SRGAP1: variants seen among roughly 807,000 people sequenced by gnomAD.
The protein encoded by SRGAP1 is SLIT-ROBO Rho GTPase activating protein 1.
A neutral mutation model predicts 121.9 loss-of-function variants in SRGAP1; 43 were observed. That is an observed-to-expected ratio of 0.35 (90% CI 0.28 to 0.46). The LOEUF (loss-of-function observed/expected upper bound fraction) is 0.46. Ranked by LOEUF, SRGAP1 falls within the 20% of genes least tolerant of loss-of-function variation. The probability of loss-of-function intolerance (pLI) is 1.00; values close to 1 mark genes in which losing one functional copy is unlikely to be tolerated. For synonymous variants in SRGAP1, 447 were observed against 485.4 expected (o/e 0.92, Z 1.04); for missense variants, 1,102 against 1,350.9 (o/e 0.82, Z 2.89).
intron 15 of SRGAP1, among the ~76,000 whole-genome samples, chr12:64,105,534 A>C (rs1034063041): frequency 1.3e-5 from 2 of 152,220 alleles, no homozygotes; most frequent in Non-Finnish European, 2.9e-5. Flanking sequence ...CTGTAATCCC[A>C]GCACTTCGGG....
chr12:64,119,996 C>G (rs1255876987), intron 18 of SRGAP1, among the ~76,000 whole-genome samples: 1 of 152,000 alleles, frequency 6.6e-6, no homozygotes, highest in African/African-American at 2.4e-5. Context: ...GTCTCAAACT[C>G]CTGACCTCAG....
At chr12:63,868,076 TTTG>T (rs538618619) in intron 1 of SRGAP1, among the ~76,000 whole-genome samples, 2 of 95,882 alleles carry the variant, frequency 2.1e-5, no homozygotes, top group Non-Finnish European at 4.0e-5. Flanking sequence ...TTTTTTTTTT[TTTG>T]TTTTTTTTTT....
rs1483757284 is a variant in SRGAP1, at chr12:64,153,488, A to C, written c.*10816A>C. ...ACTCCATCTCAAAAAAAAAAAAAAA[A>C]GTAAGGTACTTAGATGTCATTCTAA... On this transcript the variant is annotated 3_prime_UTR_variant, in exon 22 of 22. Transcript: ENST00000355086. 1.3e-5 allele frequency: 2 copies of C among 151,386 alleles called. No homozygotes were observed. The highest frequency in any genetic ancestry group is 2.9e-5 in the Non-Finnish European group (2 of 67,930). 9.4% of individuals were successfully genotyped at this position (151,386 alleles called of 1,614,324 possible). A position where few individuals can be genotyped will look rare whatever the true frequency, so the allele number is the denominator to read the frequency against.
At chr12:64,133,869 A>G (rs1435455755) in intron 21 of SRGAP1, among the ~76,000 whole-genome samples, 2 of 152,092 alleles carry the variant, frequency 1.3e-5, no homozygotes, top group Admixed American at 6.5e-5. Context: ...AACGTGATTA[A>G]TTAGCCAATG....
At chr12:64,054,166 C>G (rs995457271) in intron 6 of SRGAP1, among the ~76,000 whole-genome samples, 2 of 152,242 alleles carry the variant, frequency 1.3e-5, no homozygotes, top group Middle Eastern at 3.4e-3. Flanking sequence ...CAGTTTCTCC[C>G]TATAAACATT....
intron 1 of SRGAP1, among the ~76,000 whole-genome samples, chr12:63,924,315 TG>T (rs2031177790): frequency 6.6e-6 from 1 of 152,250 alleles, no homozygotes; most frequent in South Asian, 2.1e-4. Context: ...TCTTTTGGTC[TG>T]AGTTGTAGAT....
At chr12:64,141,267 T>G (rs1592358916) in intron 21 of SRGAP1, among the ~76,000 whole-genome samples, 2 of 92,356 alleles carry the variant, frequency 2.2e-5, no homozygotes, top group Admixed American at 1.1e-4. Flanking sequence ...AAACTTAAAG[T>G]ATAATAAAAA....
chr12:64,123,072 CA>C (rs2036628245), intron 18 of SRGAP1, among the ~76,000 whole-genome samples: 1 of 152,200 alleles, frequency 6.6e-6, no homozygotes, highest in Non-Finnish European at 1.5e-5. Flanking sequence ...ATTTCTGTAA[CA>C]TAAGTATATG....
intron 4 of SRGAP1, among the ~76,000 whole-genome samples, chr12:64,017,426 T>C (rs1228789582): frequency 1.3e-5 from 2 of 152,082 alleles, no homozygotes; most frequent in Non-Finnish European, 2.9e-5. Flanking sequence ...AGGCCAAGGC[T>C]GGTGGATCAC....
At chr12:63,961,344 TCTC>T (rs2032636196) in intron 1 of SRGAP1, among the ~76,000 whole-genome samples, 1 of 152,154 alleles carries the variant, frequency 6.6e-6, no homozygotes, top group Non-Finnish European at 1.5e-5. Flanking sequence ...TTGGCTAGCA[TCTC>T]CTCACATGGA....
intron 10 of SRGAP1, among the ~76,000 whole-genome samples, 160 bp from the exon 11 acceptor site, chr12:64,086,839 G>T (rs1219949753): frequency 1.3e-5 from 2 of 150,730 alleles, no homozygotes; most frequent in Non-Finnish European, 2.9e-5. Context: ...ACTGAATTAT[G>T]TGTCTATCTT....
intron 6 of SRGAP1, among the ~76,000 whole-genome samples, chr12:64,044,137 G>A (rs1266103439): frequency 3.3e-5 from 5 of 152,114 alleles, no homozygotes; most frequent in South Asian, 2.1e-4. Context: ...ATATAAAAAA[G>A]CAGTAATTAG....
At chr12:64,108,678 T>A (rs2036383395) in intron 15 of SRGAP1, 1 of 317,262 alleles carries the variant, frequency 3.2e-6, no homozygotes, top group Non-Finnish European at 5.7e-6. Flanking sequence ...GGTTTTTAAA[T>A]CTAGAAGACT....
intron 21 of SRGAP1, among the ~76,000 whole-genome samples, chr12:64,138,252 G>A (rs918089701): frequency 6.6e-6 from 1 of 151,778 alleles, no homozygotes; most frequent in Admixed American, 6.6e-5. Context: ...TTCATTTAGT[G>A]TAATGTCCTC....
intron 1 of SRGAP1, among the ~76,000 whole-genome samples, chr12:63,917,679 T>C (rs1181850020): frequency 6.6e-6 from 1 of 152,204 alleles, no homozygotes; most frequent in Non-Finnish European, 1.5e-5. Context: ...CTCTTAAGAA[T>C]TTCTAATTAC....
rs1463361530 is a variant in SRGAP1, at chr12:64,147,697, T to C, written c.*5025T>C. Reference sequence around the variant, plus strand: ...TTTTACAGTCTGGAAAGAAAAAAAATGTTTTGTTAATCTGTTGTGACAATG... The same window carrying C: ...TTTTACAGTCTGGAAAGAAAAAAAACGTTTTGTTAATCTGTTGTGACAATG... On this transcript the variant is annotated 3_prime_UTR_variant, in exon 22 of 22. Coordinates refer to ENST00000355086, the MANE Select transcript of SRGAP1 (RefSeq NM_020762.4). 5.0e-6 allele frequency: 2 copies of C among 398,406 alleles called. No individual in the cohort carries two copies. Among genetic ancestry groups the C allele is most frequent in the Middle Eastern group, 6.2e-4 (1 of 1,610 alleles). 24.7% of individuals were successfully genotyped at this position (398,406 alleles called of 1,614,324 possible). A position where few individuals can be genotyped will look rare whatever the true frequency, so the allele number is the denominator to read the frequency against.
Position 63,959,364 on chromosome 12 carries a change from A to G in SRGAP1, c.68-24583A>G, listed in dbSNP as rs150228344. Among the ~76,000 whole-genome samples the G allele has an allele frequency of 1.4e-3, 215 of 152,318 alleles. 2 individuals are homozygous for G. The highest frequency in any genetic ancestry group is 5.1e-3 in the African/African-American group (211 of 41,574). ...TTTTTCCTAATTCAGTATTGGTGCC[A>G]GGACAGCTGGTTAAACTTGGAGGAA... On this transcript the variant is annotated intron_variant, in intron 1 of 21. Coordinates refer to ENST00000355086, the MANE Select transcript of SRGAP1 (RefSeq NM_020762.4).
At chr12:64,118,134 G>T (rs2036551253) in intron 18 of SRGAP1, among the ~76,000 whole-genome samples, 1 of 152,160 alleles carries the variant, frequency 6.6e-6, no homozygotes, top group Non-Finnish European at 1.5e-5. Context: ...GGATCACATG[G>T]TAGTTCTATT....
chr12:64,131,929 C>A lies in SRGAP1; in HGVS notation c.2880+3729C>A, dbSNP rs141790538. ...CAGTGGCTCATGCCTGTAATCCCAG[C>A]ACTTTGGGAAGCCAAGGCGGGTAGA... On this transcript the variant is annotated intron_variant, in intron 21 of 21. Coordinates refer to ENST00000355086, the MANE Select transcript of SRGAP1 (RefSeq NM_020762.4). Among the ~76,000 whole-genome samples the A allele has an allele frequency of 7.0e-3, 1,064 of 152,318 alleles. 17 individuals are homozygous for A. The highest frequency in any genetic ancestry group is 0.024 in the African/African-American group (998 of 41,566).
Sources: allele counts gnomAD v4.1 joint callset (sites outside exome capture counted in the v4.1 genomes callset), GRCh38; gene constraint gnomAD v4.1.1; transcripts MANE v1.5; gene names NCBI Gene and HGNC (gene_info 2026-07-23, HGNC 2026-07-21).